The following SMOC1 variants were observed in gnomAD, a reference collection of about 807,000 sequenced individuals.
The protein encoded by SMOC1 is SPARC-related modular calcium-binding protein 1.
A neutral mutation model predicts 56.3 loss-of-function variants in SMOC1; 22 were observed. The ratio of observed to expected loss-of-function variants is 0.39; its 90% confidence interval spans 0.28 to 0.56. The LOEUF (loss-of-function observed/expected upper bound fraction) is 0.56, where lower values mean the gene tolerates loss of function less well. Among genes scored for constraint, SMOC1 ranks in the 20% least tolerant of loss-of-function variants. The pLI, the probability that SMOC1 is intolerant of heterozygous loss-of-function variation, is 0.61. For missense variants in SMOC1, 509 were observed against 565.4 expected (o/e 0.90, Z 1.01); for synonymous variants, 193 against 215.0 (o/e 0.90, Z 0.89).
intron 11 of SMOC1, among the ~76,000 whole-genome samples, chr14:70,027,743 A>G (rs181024372): frequency 3.9e-5 from 6 of 152,290 alleles, no homozygotes; most frequent in Admixed American, 3.9e-4. Context: ...ACCTACCTCA[A>G]CGATTTGGTG....
intron 5 of SMOC1, among the ~76,000 whole-genome samples, chr14:69,989,332 CTT>C (rs1312936529): frequency 3.3e-5 from 5 of 152,056 alleles, no homozygotes; most frequent in Non-Finnish European, 7.4e-5. Context: ...ATCTGTATCT[CTT>C]CTTTGGTGAA....
chr14:69,886,136 G>A (rs763922538), intron 1 of SMOC1: 147 of 1,481,686 alleles, frequency 9.9e-5, no homozygotes, highest in South Asian at 4.9e-4. Context: ...CTTTCCTTTC[G>A]GCATCTTGGG....
At chr14:69,885,377 T>G (rs2139288721) in intron 1 of SMOC1, 1 of 1,598,454 alleles carries the variant, frequency 6.3e-7, no homozygotes. Flanking sequence ...AGCCTTTGCC[T>G]TTTTGCGCTT....
chr14:69,931,417 G>A (rs17107467), intron 1 of SMOC1, among the ~76,000 whole-genome samples: 12,652 of 152,304 alleles, frequency 0.083, 734 homozygotes, highest in Non-Finnish European at 0.13. Flanking sequence ...CATGACAGGC[G>A]GGCAGTGTAT....
chr14:69,897,253 G>A (rs1203213789), intron 1 of SMOC1, among the ~76,000 whole-genome samples: 1 of 152,182 alleles, frequency 6.6e-6, no homozygotes, highest in Admixed American at 6.5e-5. Flanking sequence ...TTTCAGAACT[G>A]CAGTTCAGAA....
At chr14:70,029,916 A>T (rs1332670118) in intron 11 of SMOC1, among the ~76,000 whole-genome samples, 1 of 152,150 alleles carries the variant, frequency 6.6e-6, no homozygotes, top group East Asian at 1.9e-4. Flanking sequence ...CTGGCATGTG[A>T]GAGTAGTGTG....
chr14:69,982,601 A>G lies in SMOC1; in HGVS notation c.526+4636A>G, dbSNP rs74525152. ...AACACACCTGAAGGAGGGGTGCTTC[A>G]TTGCCCTGAGCCTGGCAGAGCCGTG... On this transcript the variant is annotated intron_variant, in intron 5 of 11. Transcript: ENST00000361956. Among the ~76,000 whole-genome samples, 1,030 of 152,322 alleles carry G rather than the reference A, an allele frequency of 6.8e-3. 12 individuals carry two copies. The highest frequency in any genetic ancestry group is 0.024 in the African/African-American group (985 of 41,568).
chr14:69,997,988 ACACT>A (rs1884829784), intron 7 of SMOC1, among the ~76,000 whole-genome samples: 1 of 151,950 alleles, frequency 6.6e-6, no homozygotes, highest in Non-Finnish European at 1.5e-5. Context: ...TCCTTTTTTC[ACACT>A]CAGACCCTGT....
At chr14:70,015,591 G>A (rs1485888546) in intron 10 of SMOC1, among the ~76,000 whole-genome samples, 1 of 152,154 alleles carries the variant, frequency 6.6e-6, no homozygotes, top group African/African-American at 2.4e-5. Context: ...TTCTGGCTGT[G>A]GCTCTGTTTC....
intron 6 of SMOC1, 117 bp downstream of exon 6, chr14:69,992,590 A>G (rs1267496914): frequency 1.1e-6 from 1 of 875,446 alleles, no homozygotes; most frequent in Non-Finnish European, 1.8e-6. Flanking sequence ...TTTTAATTTC[A>G]ATTTTTCCCA....
rs117775140 is a variant in SMOC1, at chr14:69,991,046, C to T, written c.527-1371C>T. On this transcript the variant is annotated intron_variant, in intron 5 of 11. Transcript: ENST00000361956. ...CTCCCCCAATAAGATGCACGAAAGT[C>T]GGCCAAAGGTACTGAGAGCTCCAAA... 7.9e-3 allele frequency among the ~76,000 whole-genome samples: 1,209 copies of T among 152,280 alleles called. 12 individuals carry two copies. Among genetic ancestry groups the T allele is most frequent in the Non-Finnish European group, 0.013 (908 of 68,016 alleles).
chr14:69,999,172 C>T (rs75007124), intron 7 of SMOC1, among the ~76,000 whole-genome samples: 1 of 152,216 alleles, frequency 6.6e-6, no homozygotes, highest in Non-Finnish European at 1.5e-5. Context: ...AAGCTGTTCA[C>T]AGTATCAGAG....
At chr14:69,956,744 C>T (rs887511244) in intron 3 of SMOC1, among the ~76,000 whole-genome samples, 1 of 152,098 alleles carries the variant, frequency 6.6e-6, no homozygotes, top group Admixed American at 6.5e-5. Flanking sequence ...GTCCTCTTCC[C>T]TCCCTACCTC....
chr14:69,993,763 TC>T (rs1216250489), intron 6 of SMOC1, among the ~76,000 whole-genome samples: 3 of 152,176 alleles, frequency 2.0e-5, no homozygotes, highest in Non-Finnish European at 4.4e-5. Flanking sequence ...GGAGACTGTC[TC>T]ATCTTGGGAG....
At chr14:70,028,845 C>G (rs1886030982) in intron 11 of SMOC1, among the ~76,000 whole-genome samples, 1 of 152,212 alleles carries the variant, frequency 6.6e-6, no homozygotes, top group South Asian at 2.1e-4. Context: ...ACGCCCACTC[C>G]ACCCCATGTC....
intron 5 of SMOC1, among the ~76,000 whole-genome samples, chr14:69,986,532 T>C (rs1205780013): frequency 6.6e-6 from 1 of 152,200 alleles, no homozygotes; most frequent in Non-Finnish European, 1.5e-5. Flanking sequence ...TATAAAGCCG[T>C]TACCATTGGG....
chr14:69,983,853 CT>C, intron 5 of SMOC1, among the ~76,000 whole-genome samples: 1 of 152,214 alleles, frequency 6.6e-6, no homozygotes, highest in East Asian at 1.9e-4. Flanking sequence ...CTTCTGACCC[CT>C]GGTCTCCAGC....
intron 5 of SMOC1, among the ~76,000 whole-genome samples, chr14:69,978,499 C>A (rs1296678747): frequency 1.3e-5 from 2 of 152,166 alleles, no homozygotes; most frequent in African/African-American, 4.8e-5. Flanking sequence ...GTCTTTGAGT[C>A]TGATGGGACA....
intron 1 of SMOC1, among the ~76,000 whole-genome samples, chr14:69,945,678 A>G (rs1882753097): frequency 6.6e-6 from 1 of 152,250 alleles, no homozygotes; most frequent in African/African-American, 2.4e-5. Context: ...AAGTGAAGCA[A>G]AAAGGTTGAA....
Sources: allele counts gnomAD v4.1 joint callset (sites outside exome capture counted in the v4.1 genomes callset), GRCh38; gene constraint gnomAD v4.1.1; transcripts MANE v1.5; gene names NCBI Gene and HGNC (gene_info 2026-07-23, HGNC 2026-07-21).